ARHGAP15: variants seen among roughly 807,000 people sequenced by gnomAD.
ARHGAP15 encodes rho GTPase-activating protein 15.
Under a neutral mutation model 63.7 loss-of-function variants are expected in ARHGAP15, and 51 were observed. That is an observed-to-expected ratio of 0.80 (90% CI 0.64 to 1.01). ARHGAP15 has a LOEUF of 1.01. Ranked by LOEUF, ARHGAP15 falls within the 50% of genes least tolerant of loss-of-function variation. ARHGAP15 has a pLI of 0.00. For missense variants in ARHGAP15, 560 were observed against 564.6 expected (o/e 0.99, Z 0.08); for synonymous variants, 191 against 193.8 (o/e 0.99, Z 0.12).
At chr2:143,602,365 A>G (rs1415544301) in intron 11 of ARHGAP15, among the ~76,000 whole-genome samples, 1 of 152,170 alleles carries the variant, frequency 6.6e-6, no homozygotes, top group Non-Finnish European at 1.5e-5. Flanking sequence ...GATTAAACAT[A>G]TCTCAGAGAT....
chr2:143,625,452 T>G (rs1698799579), intron 12 of ARHGAP15, among the ~76,000 whole-genome samples: 1 of 149,206 alleles, frequency 6.7e-6, no homozygotes, highest in Non-Finnish European at 1.5e-5. Flanking sequence ...AATTTCAGAT[T>G]TTGTTGTTGC....
At chr2:143,630,557 A>T (rs1281606106) in intron 12 of ARHGAP15, among the ~76,000 whole-genome samples, 1 of 152,106 alleles carries the variant, frequency 6.6e-6, no homozygotes, top group African/African-American at 2.4e-5. Context: ...ACTCTAGATA[A>T]TATCTCTACT....
intron 5 of ARHGAP15, among the ~76,000 whole-genome samples, chr2:143,230,159 C>T (rs1048082985): frequency 2.4e-4 from 37 of 152,176 alleles, no homozygotes; most frequent in African/African-American, 7.9e-4. Context: ...GGAGGAAAGT[C>T]GCTGGCCTTG....
intron 6 of ARHGAP15, among the ~76,000 whole-genome samples, chr2:143,292,715 A>G (rs1558871271): frequency 6.6e-6 from 1 of 152,048 alleles, no homozygotes; most frequent in Non-Finnish European, 1.5e-5. Context: ...ACTTTAAAAT[A>G]GTCTTATTGA....
intron 8 of ARHGAP15, 73 bp from the exon 9 acceptor site, chr2:143,487,300 A>G (rs1692367728): frequency 2.0e-6 from 3 of 1,515,994 alleles, no homozygotes; most frequent in Admixed American, 2.1e-5. Flanking sequence ...ACTGTTTTCT[A>G]TTCAGATTTG....
At chr2:143,180,764 C>T (rs1691203230) in intron 2 of ARHGAP15, among the ~76,000 whole-genome samples, 1 of 152,084 alleles carries the variant, frequency 6.6e-6, no homozygotes, top group South Asian at 2.1e-4. Context: ...AGCTCTGCCT[C>T]CCGGGTTCAC....
At chr2:143,545,299 T>G (rs950228396) in intron 10 of ARHGAP15, among the ~76,000 whole-genome samples, 1 of 152,166 alleles carries the variant, frequency 6.6e-6, no homozygotes, top group African/African-American at 2.4e-5. Flanking sequence ...AGATCAAAAG[T>G]TATGCTCCAC....
At chr2:143,654,402 C>T (rs1435267874) in intron 12 of ARHGAP15, among the ~76,000 whole-genome samples, 1 of 152,046 alleles carries the variant, frequency 6.6e-6, no homozygotes, top group African/African-American at 2.4e-5. Flanking sequence ...GCATAATATA[C>T]TTAGGTTTGT....
intron 11 of ARHGAP15, among the ~76,000 whole-genome samples, chr2:143,602,851 T>C (rs1327982017): frequency 6.6e-6 from 1 of 152,184 alleles, no homozygotes; most frequent in Non-Finnish European, 1.5e-5. Flanking sequence ...TTTCATCTCC[T>C]TGTCATATTC....
intron 11 of ARHGAP15, among the ~76,000 whole-genome samples, chr2:143,573,096 G>A (rs1465638632): frequency 2.6e-5 from 4 of 152,122 alleles, no homozygotes; most frequent in Non-Finnish European, 5.9e-5. Flanking sequence ...CTACAGTGCA[G>A]CTTCATGACT....
At chr2:143,252,539 T>A (rs966664811) in intron 6 of ARHGAP15, among the ~76,000 whole-genome samples, 2 of 152,062 alleles carry the variant, frequency 1.3e-5, no homozygotes, top group African/African-American at 4.8e-5. Flanking sequence ...CGCTTTATTT[T>A]TTTTTAGTCT....
intron 10 of ARHGAP15, among the ~76,000 whole-genome samples, chr2:143,530,232 T>A (rs1694461994): frequency 6.6e-6 from 1 of 152,088 alleles, no homozygotes; most frequent in African/African-American, 2.4e-5. Context: ...GGTTTTGTTT[T>A]TTGTTTGTTT....
rs537281605 is a variant in ARHGAP15 at position 143,381,467 on chromosome 2, A to G, written c.475-54134A>G. Among the ~76,000 whole-genome samples, 4 of 152,316 alleles carry G rather than the reference A, an allele frequency of 2.6e-5. No individual in the cohort carries two copies. The East Asian group carries it at 7.7e-4, about 29-fold the overall frequency. ...TTGTGTGGCAAAAGATTGAAAAAAA[A>G]ATTGGCAGTTGTTGTCAGGGTTAAT... On this transcript the variant is annotated intron_variant, in intron 6 of 13. Coordinates refer to ENST00000295095, the MANE Select transcript of ARHGAP15 (RefSeq NM_018460.4).
chr2:143,231,637 C>T (rs1393522911), intron 5 of ARHGAP15, among the ~76,000 whole-genome samples: 1 of 152,206 alleles, frequency 6.6e-6, no homozygotes, highest in African/African-American at 2.4e-5. Flanking sequence ...TGGTTACTTT[C>T]CTTTCTCACT....
intron 2 of ARHGAP15, among the ~76,000 whole-genome samples, chr2:143,184,122 A>T (rs760881779): frequency 6.6e-6 from 1 of 152,210 alleles, no homozygotes. Context: ...ATATCATGTA[A>T]GCTGAATTGC....
At chr2:143,212,747 C>T (rs1692608548) in intron 3 of ARHGAP15, among the ~76,000 whole-genome samples, 1 of 152,186 alleles carries the variant, frequency 6.6e-6, no homozygotes, top group Non-Finnish European at 1.5e-5. Context: ...AACCCACATG[C>T]AAAATGCATA....
chr2:143,343,526 T>C (rs1283276637), intron 6 of ARHGAP15, among the ~76,000 whole-genome samples: 1 of 152,086 alleles, frequency 6.6e-6, no homozygotes, highest in South Asian at 2.1e-4. Context: ...TGCAGGGCAG[T>C]GGAAAGATCA....
At chr2:143,345,081 C>T (rs560337923) in intron 6 of ARHGAP15, among the ~76,000 whole-genome samples, 1 of 152,216 alleles carries the variant, frequency 6.6e-6, no homozygotes, top group East Asian at 1.9e-4. Flanking sequence ...TCATTTACCA[C>T]ATTTTTTAAC....
chr2:143,294,600 AGAG>A (rs1682555112), intron 6 of ARHGAP15, among the ~76,000 whole-genome samples: 1 of 152,010 alleles, frequency 6.6e-6, no homozygotes, highest in Non-Finnish European at 1.5e-5. Context: ...AAAGGAATGA[AGAG>A]GAGGAGGGTC....
Sources: gnomAD v4.1 joint callset for allele counts (sites outside exome capture counted in the v4.1 genomes callset) on GRCh38, gnomAD v4.1.1 for gene constraint, MANE v1.5 for transcripts, NCBI Gene and HGNC (gene_info 2026-07-23, HGNC 2026-07-21) for gene names.